Variants in MCPH1 observed in about 807,000 individuals in gnomAD.
The protein encoded by MCPH1 is microcephalin.
A neutral mutation model predicts 84.5 loss-of-function variants in MCPH1; 104 were observed. The observed-to-expected ratio is 1.23, with a 90% CI of 1.05 to 1.45. The LOEUF is 1.45. MCPH1 is among the 40% of genes most tolerant of loss of function. The probability of loss-of-function intolerance (pLI) is 0.00; values close to 1 mark genes in which losing one functional copy is unlikely to be tolerated. For missense variants in MCPH1, 1,498 were observed against 1,005.7 expected (o/e 1.49, Z -6.62); for synonymous variants, 514 against 366.8 (o/e 1.40, Z -4.58).
chr8:6,436,265 CTA>C, intron 5 of MCPH1, 103 bp downstream of exon 5: 1 of 1,227,446 alleles, frequency 8.1e-7, no homozygotes, highest in Non-Finnish European at 1.1e-6. Flanking sequence ...CTGATGAAGA[CTA>C]TGATAGCTTT....
chr8:6,527,716 A>G (rs1232244154), intron 12 of MCPH1: 8 of 1,541,760 alleles, frequency 5.2e-6, no homozygotes, highest in Non-Finnish European at 7.0e-6. Context: ...ATTATTTTTT[A>G]ATTAGTTTAA....
intron 3 of MCPH1, among the ~76,000 whole-genome samples, chr8:6,430,779 T>C (rs1333242367): frequency 6.6e-6 from 1 of 152,120 alleles, no homozygotes; most frequent in Non-Finnish European, 1.5e-5. Context: ...GGTTTTTATC[T>C]AGGTTGGGAA....
chr8:6,428,958 A>T (rs913629453), intron 3 of MCPH1, among the ~76,000 whole-genome samples: 2 of 152,102 alleles, frequency 1.3e-5, no homozygotes, highest in African/African-American at 4.8e-5. Flanking sequence ...TTTCAGTTTC[A>T]GGTATTATCT....
At chr8:6,423,723 C>T (rs186757527) in intron 3 of MCPH1, among the ~76,000 whole-genome samples, 11 of 152,110 alleles carry the variant, frequency 7.2e-5, no homozygotes, top group Admixed American at 6.5e-4. Context: ...GTGGGCTGTT[C>T]ATTTCTGAGA....
intron 12 of MCPH1, chr8:6,616,135 C>T (rs1030366137): frequency 1.3e-5 from 2 of 152,174 alleles, no homozygotes; most frequent in Non-Finnish European, 2.9e-5. Context: ...TTTCCTGGAC[C>T]ACTCAGAGGA....
chr8:6,450,957 C>T (rs1805018036), intron 8 of MCPH1, among the ~76,000 whole-genome samples: 1 of 152,176 alleles, frequency 6.6e-6, no homozygotes, highest in Admixed American at 6.5e-5. Flanking sequence ...ATCTGCCCGC[C>T]TCTGCCTCCC....
intron 13 of MCPH1, among the ~76,000 whole-genome samples, chr8:6,639,095 A>G (rs1474934145): frequency 6.6e-6 from 1 of 152,178 alleles, no homozygotes; most frequent in African/African-American, 2.4e-5. Context: ...TTAAAGATCG[A>G]TACTTCTGGC....
At chr8:6,557,991 C>G (rs1824923884) in intron 12 of MCPH1, among the ~76,000 whole-genome samples, 1 of 152,176 alleles carries the variant, frequency 6.6e-6, no homozygotes, top group Non-Finnish European at 1.5e-5. Context: ...TCTTGACTGA[C>G]TCCCTCACAG....
chr8:6,640,540 G>C (rs557502003), intron 13 of MCPH1, among the ~76,000 whole-genome samples: 1 of 152,042 alleles, frequency 6.6e-6, no homozygotes. Flanking sequence ...TTGAAATTGG[G>C]TTATTTATAT....
chr8:6,621,441 G>C lies in MCPH1; in HGVS notation c.2215-13G>C, dbSNP rs1393195145. ...GTCCCACCTCTGTAATTCTATCTCT[G>C]TCTGCCCCACAGCTGTGCCGAAGCG... On this transcript the variant is annotated splice_polypyrimidine_tract_variant and intron_variant, in intron 12 of 13. Transcript: ENST00000344683. 8 of 1,613,686 alleles carry C rather than the reference G, an allele frequency of 5.0e-6. No individual in the cohort carries two copies. Among genetic ancestry groups the C allele is most frequent in the South Asian group, 4.4e-5 (4 of 91,082 alleles).
rs149870473 is a variant in MCPH1, at chr8:6,497,092, A to G, written c.2137-2760A>G. Among the ~76,000 whole-genome samples, 52 of 152,330 alleles carry G rather than the reference A, an allele frequency of 3.4e-4. 1 individual carries two copies. The East Asian group carries it at 9.4e-3, about 28-fold the overall frequency. On this transcript the variant is annotated intron_variant, in intron 11 of 13. Coordinates refer to ENST00000344683, the MANE Select transcript of MCPH1 (RefSeq NM_024596.5). ...TAAGCTAATTAATGAATAAAAACTA[A>G]TTTCATTGGTCCTGATTGGAAGTGC...
intron 12 of MCPH1, among the ~76,000 whole-genome samples, chr8:6,586,948 G>A (rs1828033289): frequency 6.6e-6 from 1 of 152,142 alleles, no homozygotes. Context: ...CTAACAGAGT[G>A]CAGGCTGTGG....
chr8:6,626,221 G>T (rs1325802413), intron 13 of MCPH1: 1 of 985,236 alleles, frequency 1.0e-6, no homozygotes, highest in Non-Finnish European at 1.2e-6. Flanking sequence ...ATAGAACAGG[G>T]AGTGGAGGTG....
chr8:6,606,919 A>G (rs1586777286), intron 12 of MCPH1, among the ~76,000 whole-genome samples: 2 of 152,188 alleles, frequency 1.3e-5, no homozygotes, highest in Non-Finnish European at 2.9e-5. Flanking sequence ...ACCTTCCACT[A>G]TGAGTGTGAG....
chr8:6,582,538 T>C (rs759399925), intron 12 of MCPH1, among the ~76,000 whole-genome samples: 1 of 152,244 alleles, frequency 6.6e-6, no homozygotes, highest in African/African-American at 2.4e-5. Context: ...TACTCCTTTA[T>C]TTTATTTTTT....
chr8:6,552,780 G>A (rs755857792), intron 12 of MCPH1, among the ~76,000 whole-genome samples: 3 of 151,460 alleles, frequency 2.0e-5, no homozygotes, highest in Non-Finnish European at 4.4e-5. Flanking sequence ...ATTAAGGCAA[G>A]AGATCACTCA....
intron 12 of MCPH1, chr8:6,562,680 G>T (rs1825742338): frequency 6.3e-7 from 1 of 1,584,510 alleles, no homozygotes; most frequent in South Asian, 1.1e-5. Context: ...TTTCCATGAT[G>T]TTCTCCAGCA....
At chr8:6,503,088 T>G (rs201918700) in intron 12 of MCPH1, 2 of 1,614,020 alleles carry the variant, frequency 1.2e-6, no homozygotes, top group East Asian at 4.5e-5. Flanking sequence ...GTTCCTCAGG[T>G]GGACTGGGAT....
intron 11 of MCPH1, among the ~76,000 whole-genome samples, chr8:6,492,746 A>T (rs201533495): frequency 5.4e-5 from 8 of 148,682 alleles, no homozygotes; most frequent in Admixed American, 1.3e-4. Context: ...TATTAATAAT[A>T]ATTATTTAAT....
Sources: allele counts gnomAD v4.1 joint callset (sites outside exome capture counted in the v4.1 genomes callset), GRCh38; gene constraint gnomAD v4.1.1; transcripts MANE v1.5; gene names NCBI Gene and HGNC (gene_info 2026-07-23, HGNC 2026-07-21).